Variants in TRPV1 observed in about 807,000 individuals in gnomAD.
TRPV1 encodes the protein OTRPC1.
A neutral mutation model predicts 82.3 loss-of-function variants in TRPV1; 82 were observed. The observed-to-expected ratio is 1.00, with a 90% CI of 0.83 to 1.20. The LOEUF (loss-of-function observed/expected upper bound fraction) is 1.20. TRPV1 is among the 50% of genes most tolerant of loss of function. The pLI is 0.00. For missense variants in TRPV1, 1,067 were observed against 1,096.8 expected, an observed-to-expected ratio of 0.97 and a Z score of 0.38; for synonymous variants, 515 against 467.7, an observed-to-expected ratio of 1.10 and a Z score of -1.30.
chr17:3,590,482 G>A (rs1447957321), intron 5 of TRPV1, 90 bp from the exon 6 acceptor site: 1 of 1,532,072 alleles, frequency 6.5e-7, no homozygotes, highest in Non-Finnish European at 8.8e-7. Flanking sequence ...GCAGGCAGCA[G>A]CTGCTGCAGG....
chr17:3,567,993 T>C (rs2074792400), intron 16 of TRPV1, among the ~76,000 whole-genome samples: 1 of 152,120 alleles, frequency 6.6e-6, no homozygotes, highest in Non-Finnish European at 1.5e-5. Context: ...TTGTCAAAGA[T>C]GTAGGATGTC....
chr17:3,586,692 AC>A (rs1426871743), intron 8 of TRPV1, among the ~76,000 whole-genome samples: 2 of 151,680 alleles, frequency 1.3e-5, no homozygotes, highest in Admixed American at 1.3e-4. Flanking sequence ...AACTGCTTGA[AC>A]CCCAGGAAGC....
intron 2 of TRPV1, among the ~76,000 whole-genome samples, chr17:3,595,215 C>G (rs763501631): frequency 6.6e-5 from 10 of 152,154 alleles, no homozygotes; most frequent in Non-Finnish European, 1.2e-4. Flanking sequence ...ATTCCTTCAC[C>G]CACTTCATTC....
chr17:3,604,154 A>G (rs1380207016), intron 2 of TRPV1, among the ~76,000 whole-genome samples: 1 of 152,244 alleles, frequency 6.6e-6, no homozygotes, highest in Non-Finnish European at 1.5e-5. Flanking sequence ...GGCAGATGCC[A>G]TTTGGGCTGG....
chr17:3,573,602 C>A (rs200574639), intron 14 of TRPV1, 31 bp downstream of exon 14: 2 of 1,587,100 alleles, frequency 1.3e-6, no homozygotes, highest in Non-Finnish European at 1.7e-6. Context: ...CTCTCCGCGC[C>A]ACTCACCACC....
At chr17:3,572,444 G>A (rs1027268598) in intron 14 of TRPV1, among the ~76,000 whole-genome samples, 195 bp from the exon 15 acceptor site, 1 of 152,212 alleles carries the variant, frequency 6.6e-6, no homozygotes, top group Non-Finnish European at 1.5e-5. Flanking sequence ...GCACAGCCCA[G>A]CCAGCCCAGA....
intron 14 of TRPV1, among the ~76,000 whole-genome samples, chr17:3,573,255 A>G (rs555265363): frequency 6.6e-6 from 1 of 152,192 alleles, no homozygotes; most frequent in South Asian, 2.1e-4. Context: ...GGCTCCTCTG[A>G]GGTGGACACC....
At chr17:3,573,993 A>C in intron 13 of TRPV1, 38 bp from the exon 14 acceptor site, 1 of 1,517,638 alleles carries the variant, frequency 6.6e-7, no homozygotes, top group Non-Finnish European at 8.8e-7. Context: ...CACTGGATAG[A>C]AGCCAATATC....
chr17:3,590,521 C>T, intron 5 of TRPV1, 129 bp from the exon 6 acceptor site: 2 of 1,369,490 alleles, frequency 1.5e-6, no homozygotes, highest in South Asian at 1.5e-5. Flanking sequence ...GCCTGGAGGA[C>T]CCCCCCACTG....
rs2074762385 is a variant in TRPV1, at chr17:3,566,309, G to A, written c.*506C>T. The stretch of plus-strand genomic sequence containing the variant: ...AGTTCGAGACCAGCCTGGCCAACAT[G>A]GCGAAACCCCATATCTATTAAAAAA... On this transcript the variant is annotated 3_prime_UTR_variant, in exon 17 of 17. Coordinates refer to ENST00000572705, the MANE Select transcript of TRPV1 (RefSeq NM_080704.4). The A allele has an allele frequency of 6.6e-6, 1 of 152,206 alleles. No individual in the cohort carries two copies. The highest frequency in any genetic ancestry group is 2.1e-4 in the South Asian group (1 of 4,828). 9.4% of individuals were successfully genotyped at this position (152,206 alleles called of 1,614,324 possible).
At chr17:3,591,653 TG>T (rs1469757308) in intron 3 of TRPV1, among the ~76,000 whole-genome samples, 1 of 152,030 alleles carries the variant, frequency 6.6e-6, no homozygotes, top group Non-Finnish European at 1.5e-5. Flanking sequence ...AGGAGCCTGG[TG>T]GGGACGGAGG....
At chr17:3,590,905 G>GCC (rs3216758) in intron 5 of TRPV1, 59 bp downstream of exon 5, 5 of 1,500,270 alleles carry the variant, frequency 3.3e-6, no homozygotes, top group South Asian at 1.3e-5. Context: ...GGACAACCAT[G>GCC]CCCCCCTGCT....
intron 2 of TRPV1, among the ~76,000 whole-genome samples, chr17:3,604,676 C>T (rs886796650): frequency 4.7e-4 from 71 of 151,854 alleles, no homozygotes; most frequent in African/African-American, 1.7e-3. Context: ...AAGCCACATA[C>T]ACATGATGTG....
intron 8 of TRPV1, among the ~76,000 whole-genome samples, chr17:3,586,678 G>A (rs2075089231): frequency 6.6e-6 from 1 of 152,128 alleles, no homozygotes; most frequent in African/African-American, 2.4e-5. Flanking sequence ...GGCTGAGGTG[G>A]GAGAACTGCT....
intron 13 of TRPV1, among the ~76,000 whole-genome samples, chr17:3,574,450 C>T (rs1238438498): frequency 2.0e-5 from 3 of 152,198 alleles, no homozygotes; most frequent in Admixed American, 2.0e-4. Context: ...CCGGCCTAGT[C>T]CCTTCCTGTA....
At position 3,573,880 on chromosome 17, in the gene TRPV1, G is replaced by C; in HGVS notation, c.1856C>G (p.Pro619Arg). 6.2e-7 allele frequency: 1 copy of C among 1,600,744 alleles called. No individual in the cohort carries two copies. The highest frequency in any genetic ancestry group is 8.5e-7 in the Non-Finnish European group (1 of 1,176,092). ...GGAGCTATCGGGGGGCCTGCAGGCA[G>C]GCCCCCGCCACCTGTGCGACGTGGA... The part of the protein sequence containing the change: ...SESTSHRWRG[P>R]ACRPPDSSYN... The change falls in exon 14 of 17, where the codon CCT becomes CGT. Residue 619 changes from proline (P) to arginine (R), a missense_variant. Pro to Arg is a moderately radical substitution (Grantham distance 103, BLOSUM62 -2). Transcript: ENST00000572705.
At chr17:3,582,024 A>C (rs1418315557) in intron 10 of TRPV1, among the ~76,000 whole-genome samples, 3 of 146,458 alleles carry the variant, frequency 2.0e-5, no homozygotes, top group African/African-American at 7.5e-5. Flanking sequence ...CCCCGTCTCT[A>C]CTAAAAATAC....
chr17:3,581,966 G>A lies in TRPV1; in HGVS notation c.1476+1372C>T, dbSNP rs563510528. Among the ~76,000 whole-genome samples, 35 of 147,594 alleles carry A rather than the reference G, an allele frequency of 2.4e-4. No individual in the cohort carries two copies. The South Asian group carries it at 5.3e-3, about 22-fold the overall frequency. ...AGCACTTTGGGAGGCCAAGGTGGGC[G>A]GATCACGAGGTCAGGAGATCGAGAC... On this transcript the variant is annotated intron_variant, in intron 10 of 16. Coordinates refer to ENST00000572705, the MANE Select transcript of TRPV1 (RefSeq NM_080704.4).
intron 9 of TRPV1, among the ~76,000 whole-genome samples, chr17:3,584,689 G>A (rs2075062936): frequency 6.6e-6 from 1 of 151,932 alleles, no homozygotes; most frequent in African/African-American, 2.4e-5. Flanking sequence ...CCAGCTATTC[G>A]GGAGGCCGAG....
Sources: allele counts gnomAD v4.1 joint callset (sites outside exome capture counted in the v4.1 genomes callset), GRCh38; gene constraint gnomAD v4.1.1; transcripts MANE v1.5; gene names NCBI Gene and HGNC (gene_info 2026-07-23, HGNC 2026-07-21).